Variants in TTN observed in about 807,000 individuals in gnomAD.
The protein encoded by TTN is connectin.
Under a neutral mutation model 3,223.0 loss-of-function variants are expected in TTN, and 1,525 were observed. The ratio of observed to expected loss-of-function variants is 0.47; its 90% CI spans 0.45 to 0.49. The LOEUF is 0.49. Among genes scored for constraint, TTN ranks in the 20% least tolerant of loss-of-function variants. TTN has a pLI of 0.00. For synonymous variants in TTN, 14,094 were observed against 15,161.0 expected, an observed-to-expected ratio of 0.93 and a Z score of 5.17; for missense variants, 40,786 against 43,424.0, an observed-to-expected ratio of 0.94 and a Z score of 5.40.
intron 33 of TTN, 70 bp downstream of exon 33, chr2:178,773,039 G>A: frequency 6.3e-7 from 1 of 1,599,500 alleles, no homozygotes. Flanking sequence ...GAATTTTGGG[G>A]GAAATGAATA....
At position 178,585,097 on chromosome 2, in the gene TTN, A is replaced by T. The variant is rs2048640918; in HGVS notation, c.64647T>A (p.Thr21549=). The change falls in exon 309 of 363, where the codon ACT becomes ACA. Residue 21549 remains threonine (T), a synonymous_variant. Coordinates refer to ENST00000589042, the MANE Select transcript of TTN (RefSeq NM_001267550.2). ...CCATGACTACAACTTTGATTTTCTGAGTGTCTGTCCCAGAACTGTTCTCTG... is the reference window on the plus strand; with the variant it reads ...CCATGACTACAACTTTGATTTTCTGTGTGTCTGTCCCAGAACTGTTCTCTG... The part of the protein sequence containing the change: ...LTAENSSGTD[T]QKIKVVVMDA... 6.2e-7 allele frequency: 1 copy of T among 1,605,448 alleles called. No homozygotes were observed. The highest frequency in any genetic ancestry group is 8.5e-7 in the Non-Finnish European group (1 of 1,175,778).
Position 178,719,144 on chromosome 2 carries a change from C to T in TTN, c.24226+20G>A, listed in dbSNP as rs2077954636. ...GAAAGAGGTGTTAGAGAAGCAGCAGCTTTATCCTTGCACACTGACCTTGCA... is the reference window on the plus strand; with the variant it reads ...GAAAGAGGTGTTAGAGAAGCAGCAGTTTTATCCTTGCACACTGACCTTGCA... On this transcript the variant is annotated intron_variant, in intron 83 of 362. Coordinates refer to ENST00000589042, the MANE Select transcript of TTN (RefSeq NM_001267550.2). The T allele has an allele frequency of 1.3e-6, 2 of 1,599,342 alleles. No individual in the cohort carries two copies. The highest frequency in any genetic ancestry group is 1.7e-6 in the Non-Finnish European group (2 of 1,171,156).
At chr2:178,646,975 G>A in intron 215 of TTN, 89 bp downstream of exon 215, 1 of 436,214 alleles carries the variant, frequency 2.3e-6, no homozygotes, top group Non-Finnish European at 3.7e-6. Context: ...ATAATTTCAA[G>A]AAGGAATATT....
In TTN at chr2:178,632,372, C is replaced by T; in HGVS notation, c.43522G>A (p.Ala14508Thr). The change falls in exon 236 of 363, where the codon GCC becomes ACC. Residue 14508 changes from alanine (A) to threonine (T), a missense_variant. Ala to Thr is a moderately conservative substitution (Grantham distance 58). Transcript: ENST00000589042. ...KFLTPLKDVT[A>T]KEKESAVFTV... The stretch of plus-strand genomic sequence containing the variant: ...AATACAGCACTTTCCTTCTCTTTGG[C>T]AGTTACATCTTTGAGAGGGGTGAGG... The T allele has an allele frequency of 6.2e-7, 1 of 1,601,176 alleles. No homozygotes were observed. Among genetic ancestry groups the T allele is most frequent in the Non-Finnish European group, 8.5e-7 (1 of 1,173,976 alleles).
At position 178,531,834 on chromosome 2, in the gene TTN, C is replaced by G. The variant is rs776703315; in HGVS notation, c.104781G>C (p.Lys34927Asn). The change falls in exon 358 of 363, where the codon AAG (lysine) becomes AAC (asparagine). Residue 34927 changes from lysine to asparagine, a missense_variant. Lys to Asn is a moderately conservative substitution (Grantham distance 94). Transcript: ENST00000589042. ...AAGGCTGCTGACTCAAAACTTCATACTTCCTTTCTGATGTCTTCTGAGTTT... is the reference window on the plus strand; with the variant it reads ...AAGGCTGCTGACTCAAAACTTCATAGTTCCTTTCTGATGTCTTCTGAGTTT... Reference protein sequence around the residue: ...ALKTQKTSERKYEVLSQQPFT... With the variant: ...ALKTQKTSERNYEVLSQQPFT... 30 of 1,613,840 alleles carry G rather than the reference C, an allele frequency of 1.9e-5. No individual in the cohort carries two copies. Among genetic ancestry groups the G allele is most frequent in the Non-Finnish European group, 2.0e-5 (24 of 1,179,874 alleles).
In TTN at chr2:178,577,750, G is replaced by A. The variant is rs1231639174; in HGVS notation, c.68676C>T (p.Asn22892=). The A allele has an allele frequency of 6.2e-6, 10 of 1,613,212 alleles. No homozygotes were observed. The African/African-American group carries it at 6.7e-5, about 11-fold the overall frequency. ...AGGCACATTCTGGGACATTAACATG[G>A]TTGGCTTTCATCCAAGACTTCGAAG... ...DLPSKSWMKA[N]HVNVPECAFT... The change falls in exon 323 of 363, where the codon AAC becomes AAT. Residue 22892 remains asparagine (N), a synonymous_variant. Transcript: ENST00000589042.
chr2:178,804,151 A>G (rs555971544), intron 2 of TTN, among the ~76,000 whole-genome samples: 2 of 152,218 alleles, frequency 1.3e-5, no homozygotes, highest in African/African-American at 2.4e-5. Flanking sequence ...TCAGGTGTCC[A>G]GAGCAGGCAG....
At chr2:178,798,558 T>A (rs1397930426) in intron 6 of TTN, 1 of 152,210 alleles carries the variant, frequency 6.6e-6, no homozygotes, top group Non-Finnish European at 1.5e-5. Context: ...AATTATTTTC[T>A]ATTTACAAGG....
intron 66 of TTN, 29 bp downstream of exon 66, chr2:178,728,471 G>A (rs777417927): frequency 6.3e-7 from 1 of 1,590,676 alleles, no homozygotes; most frequent in Non-Finnish European, 8.6e-7. Flanking sequence ...CTATAAATAA[G>A]GGAAGCTGAC....
intron 257 of TTN, 133 bp downstream of exon 257, chr2:178,616,346 A>AAAG (rs2057345912): frequency 2.4e-6 from 3 of 1,241,580 alleles, no homozygotes; most frequent in Admixed American, 4.8e-5. Flanking sequence ...GCATTCTTAA[A>AAAG]AAGTTTTTGT....
chr2:178,680,577 G>A (rs567813058), intron 138 of TTN, among the ~76,000 whole-genome samples: 89 of 152,070 alleles, frequency 5.9e-4, no homozygotes, highest in Admixed American at 1.7e-3. Flanking sequence ...ATGAGGTTTA[G>A]TGTTCAAATA....
Position 178,712,092 on chromosome 2 carries a change from T to A in TTN, c.27738A>T (p.Arg9246Ser). Reference protein sequence around the residue: ...VSWYKGDTKLRPTTTYKMHFR... With the variant: ...VSWYKGDTKLSPTTTYKMHFR... Reference sequence around the variant, plus strand: ...AATGCATTTTGTAAGTCGTAGTGGGTCTCAATTTTGTATCTCCTTTATACC... The same window carrying A: ...AATGCATTTTGTAAGTCGTAGTGGGACTCAATTTTGTATCTCCTTTATACC... The change falls in exon 96 of 363, where the codon AGA (arginine) becomes AGT (serine). Residue 9246 changes from arginine to serine, a missense_variant. Physicochemically the swap from Arg to Ser is moderately radical, Grantham distance 110. Transcript: ENST00000589042. The A allele has an allele frequency of 6.2e-7, 1 of 1,613,804 alleles. No individual in the cohort carries two copies. Among genetic ancestry groups the A allele is most frequent in the Non-Finnish European group, 8.5e-7 (1 of 1,179,786 alleles).
At position 178,537,024 on chromosome 2, in the gene TTN, T is replaced by C. The variant is rs1378557058; in HGVS notation, c.100085A>G (p.Tyr33362Cys). ...GTTCTGAGCTGAAACCCGGAAGTAA[T>C]AGCCAGCATTTTCTGTGAGGTTCAC... ...RIVNLTENAG[Y>C]YFRVSAQNTF... Residue 33362 changes from tyrosine (Y) to cysteine (C), a missense_variant, in exon 356 of 363, where the codon TAT (tyrosine) becomes TGT (cysteine). Physicochemically the swap from Tyr to Cys is radical, Grantham distance 194. Coordinates refer to ENST00000589042, the MANE Select transcript of TTN (RefSeq NM_001267550.2). 1.2e-6 allele frequency: 2 copies of C among 1,613,144 alleles called. No individual in the cohort carries two copies. Among genetic ancestry groups the C allele is most frequent in the Non-Finnish European group, 8.5e-7 (1 of 1,179,570 alleles).
chr2:178,559,746 G>C lies in TTN; in HGVS notation c.86386C>G (p.Arg28796Gly). The change falls in exon 326 of 363, where the codon CGT (arginine) becomes GGT (glycine). Residue 28796 changes from arginine (R) to glycine (G), a missense_variant. Coordinates refer to ENST00000589042, the MANE Select transcript of TTN (RefSeq NM_001267550.2). Reference sequence around the variant, plus strand: ...GTGGTATCAACATAAGCTCTAGTACGGAGGTCAGTGTCTGGCTTACTCCAC... The same window carrying C: ...GTGGTATCAACATAAGCTCTAGTACCGAGGTCAGTGTCTGGCTTACTCCAC... ...VLWSKPDTDLRTRAYVDTTDS... is the reference protein window; with the variant it reads ...VLWSKPDTDLGTRAYVDTTDS... 6.3e-7 allele frequency: 1 copy of C among 1,598,960 alleles called. No homozygotes were observed. The highest frequency in any genetic ancestry group is 8.5e-7 in the Non-Finnish European group (1 of 1,172,004).
At position 178,769,037 on chromosome 2, in the gene TTN, T is replaced by C. The variant is rs761480337; in HGVS notation, c.8903-104A>G. The C allele has an allele frequency of 1.9e-4, 238 of 1,284,846 alleles. 1 individual carries two copies. Among genetic ancestry groups the C allele is most frequent in the Non-Finnish European group, 1.4e-4 (132 of 911,434 alleles). The allele number at this position is 1,284,846 out of a possible 1,614,324, so 79.6% of individuals were successfully genotyped here. On this transcript the variant is annotated intron_variant, in intron 37 of 362. Transcript: ENST00000589042. ...ATTTGGAATGTTTTTAGTGCGTCTG[T>C]TGAGGAGATTACAGTTTAGAGATAT...
In TTN at chr2:178,639,633, C is replaced by A; in HGVS notation, c.40876+66G>T. ...GCATAAACAGGGCTTGAATTTTAAT[C>A]AAGTGTGAATACTTTTATTAAGTCA... On this transcript the variant is annotated intron_variant, in intron 223 of 362. Transcript: ENST00000589042. 3 of 1,498,804 alleles carry A rather than the reference C, an allele frequency of 2.0e-6. No homozygotes were observed. In the South Asian group the frequency reaches 3.5e-5, roughly 17 times the overall value. 92.8% of individuals were successfully genotyped at this position (1,498,804 alleles called of 1,614,324 possible).
chr2:178,718,322 C>T lies in TTN; in HGVS notation c.24784G>A (p.Glu8262Lys). 1 of 1,612,680 alleles carries T rather than the reference C, an allele frequency of 6.2e-7. No individual in the cohort carries two copies. The change falls in exon 85 of 363, where the codon GAA (glutamate) becomes AAA (lysine). Residue 8262 changes from glutamate to lysine, a missense_variant and splice_region_variant. Glu to Lys is a moderately conservative substitution (Grantham distance 56). Transcript: ENST00000589042. ...DICEALVSVL[E>K]PPYFIEPLEH... Reference sequence around the variant, plus strand: ...TAAAAAGAGGTAGCTGTCAACACACCTAAGACAGACACCAGAGCTTCACAG... The same window carrying T: ...TAAAAAGAGGTAGCTGTCAACACACTTAAGACAGACACCAGAGCTTCACAG...
At position 178,569,798 on chromosome 2, in the gene TTN, C is replaced by T. The variant is rs2154168053; in HGVS notation, c.76334G>A (p.Cys25445Tyr). ...CEIQGYIVEK[C>Y]DVSVGEWTMC... ...TGTCCATTCACCAACACTCACATCA[C>T]ATTTTTCAACAATGTATCCTTGAAT... is the stretch of plus-strand genomic sequence containing the variant. Residue 25445 changes from cysteine to tyrosine, a missense_variant, in exon 326 of 363, where the codon TGT becomes TAT. Transcript: ENST00000589042. 19 of 1,613,330 alleles carry T rather than the reference C, an allele frequency of 1.2e-5. No individual in the cohort carries two copies. The highest frequency in any genetic ancestry group is 1.6e-5 in the Non-Finnish European group (19 of 1,179,588).
In TTN at chr2:178,636,239, G is replaced by C; in HGVS notation, c.41332C>G (p.Leu13778Val). 4.5e-6 allele frequency: 7 copies of C among 1,546,058 alleles called. No homozygotes were observed. The highest frequency in any genetic ancestry group is 5.2e-6 in the Non-Finnish European group (6 of 1,146,494). The change falls in exon 226 of 363, where the codon CTT becomes GTT. Residue 13778 changes from leucine to valine, a missense_variant and splice_region_variant. By Grantham distance (32) the Leu-to-Val change is conservative. Coordinates refer to ENST00000589042, the MANE Select transcript of TTN (RefSeq NM_001267550.2). The surrounding 1 kb of genome is among the most constrained non-coding windows in gnomAD (Gnocchi z 4.3). ...TSTAKLVVEE[L>V]PVRFVKTLEE... ...AGTGTTTTTACAAAACGCACAGGAA[G>C]TTCTATGGAGAATTTCAGTATATAT... is the stretch of plus-strand genomic sequence containing the variant.
Sources: gnomAD v4.1 joint callset for allele counts (sites outside exome capture counted in the v4.1 genomes callset) on GRCh38, gnomAD v4.1.1 for gene constraint, Gnocchi (gnomAD v3.1) non-coding constraint, MANE v1.5 for transcripts, NCBI Gene and HGNC (gene_info 2026-07-23, HGNC 2026-07-21) for gene names.